The following PCDHA8 variants were observed in gnomAD, a reference collection of about 807,000 sequenced individuals.
The protein encoded by PCDHA8 is protocadherin alpha 8, also known as protocadherin alpha-8.
PCDHA8 carries 53 observed loss-of-function variants against 61.8 expected under a neutral mutation model. That is an observed-to-expected ratio of 0.86 (90% CI 0.69 to 1.08). PCDHA8 has a LOEUF of 1.08. Ranked by LOEUF, PCDHA8 falls within the 50% of genes least tolerant of loss-of-function variation. The pLI, the probability that PCDHA8 is intolerant of heterozygous loss-of-function variation, is 0.00. For missense variants in PCDHA8, 1,293 were observed against 1,245.0 expected (o/e 1.04, Z -0.58); for synonymous variants, 618 against 556.6 (o/e 1.11, Z -1.55).
chr5:140,860,479 C>T (rs1348082358), intron 1 of PCDHA8: 1 of 152,030 alleles, frequency 6.6e-6, no homozygotes, highest in Non-Finnish European at 1.5e-5. Context: ...TGCAGTAGTA[C>T]TTTATTTAGG....
At chr5:140,884,812 G>C in intron 1 of PCDHA8, 2 of 1,117,104 alleles carry the variant, frequency 1.8e-6, no homozygotes, top group Non-Finnish European at 2.5e-6. Flanking sequence ...ACTCTGCTGT[G>C]GACATTATGT....
intron 1 of PCDHA8, among the ~76,000 whole-genome samples, chr5:140,939,691 G>A (rs782722243): frequency 3.5e-4 from 53 of 152,250 alleles, no homozygotes; most frequent in African/African-American, 1.2e-3. Context: ...TGTGTTGCTG[G>A]ACATTATCAT....
chr5:140,893,636 G>A (rs2064097174), intron 1 of PCDHA8, among the ~76,000 whole-genome samples: 1 of 152,170 alleles, frequency 6.6e-6, no homozygotes, highest in Non-Finnish European at 1.5e-5. Flanking sequence ...GCTTGGTATA[G>A]TATTTTTGGC....
At chr5:140,952,185 T>C (rs1354216964) in intron 1 of PCDHA8, among the ~76,000 whole-genome samples, 1 of 152,010 alleles carries the variant, frequency 6.6e-6, no homozygotes, top group Non-Finnish European at 1.5e-5. Context: ...GCTGCTCTCA[T>C]GGGTTGGTGT....
chr5:140,973,755 G>A (rs1442337323), intron 1 of PCDHA8, among the ~76,000 whole-genome samples: 1 of 152,234 alleles, frequency 6.6e-6, no homozygotes, highest in Admixed American at 6.5e-5. Flanking sequence ...ACTCTGCAGG[G>A]ACACAGCCTG....
At chr5:140,863,088 CACG>C (rs782667679) in intron 1 of PCDHA8, 19 of 574,542 alleles carry the variant, frequency 3.3e-5, no homozygotes, top group Admixed American at 1.7e-4. Context: ...GCGAGATCAG[CACG>C]ACGAGTACCC....
In PCDHA8 at chr5:140,857,092, G is replaced by A; in HGVS notation, c.2394+13377G>A. On this transcript the variant is annotated intron_variant, in intron 1 of 3. Coordinates refer to ENST00000531613, the MANE Select transcript of PCDHA8 (RefSeq NM_018911.3). ...TGGATGAAAATGATAATTCACCTGA[G>A]GTGATTGTCACTTCTCTGTCTCTCC... 5 of 1,597,300 alleles carry A rather than the reference G, an allele frequency of 3.1e-6. 1 individual carries two copies. Among genetic ancestry groups the A allele is most frequent in the Non-Finnish European group, 4.3e-6 (5 of 1,166,936 alleles).
intron 1 of PCDHA8, among the ~76,000 whole-genome samples, chr5:140,961,697 T>A (rs1326642906): frequency 6.6e-6 from 1 of 152,232 alleles, no homozygotes; most frequent in Non-Finnish European, 1.5e-5. Flanking sequence ...GTCCTTAGTA[T>A]GAATGCCTTC....
intron 1 of PCDHA8, chr5:140,884,453 G>A (rs2060182161): frequency 2.5e-6 from 4 of 1,613,658 alleles, no homozygotes; most frequent in Admixed American, 1.7e-5. Flanking sequence ...ACCGCCCACC[G>A]AGGGCGCGTG....
chr5:140,919,763 A>T (rs2079297949), intron 1 of PCDHA8, among the ~76,000 whole-genome samples: 2 of 152,090 alleles, frequency 1.3e-5, no homozygotes, highest in African/African-American at 4.8e-5. Flanking sequence ...TGCCTTTTGT[A>T]TTACTGTTAC....
intron 1 of PCDHA8, among the ~76,000 whole-genome samples, chr5:140,901,207 T>G (rs894216497): frequency 6.6e-6 from 1 of 152,206 alleles, no homozygotes; most frequent in Non-Finnish European, 1.5e-5. Flanking sequence ...AGAAGGTTTT[T>G]AAGTTGATGT....
intron 1 of PCDHA8, among the ~76,000 whole-genome samples, chr5:140,950,903 T>C (rs2094530592): frequency 6.6e-6 from 1 of 152,024 alleles, no homozygotes; most frequent in South Asian, 2.1e-4. Context: ...TTTATTTTAT[T>C]TTTATTTTAT....
At chr5:140,884,378 A>G (rs781954919) in intron 1 of PCDHA8, 3 of 1,613,952 alleles carry the variant, frequency 1.9e-6, no homozygotes, top group Non-Finnish European at 2.5e-6. Flanking sequence ...GATCATTGCC[A>G]TCTGCGCGGT....
At chr5:140,875,467 T>G in intron 1 of PCDHA8, 2 of 1,600,082 alleles carry the variant, frequency 1.2e-6, no homozygotes, top group Non-Finnish European at 1.7e-6. Flanking sequence ...GCCCTCATTT[T>G]CTGCAATGGT....
chr5:140,992,436 G>A (rs782486395), intron 3 of PCDHA8, among the ~76,000 whole-genome samples: 10 of 152,186 alleles, frequency 6.6e-5, no homozygotes, highest in Non-Finnish European at 1.3e-4. Flanking sequence ...TGTTCCAAGA[G>A]TTGGGAGCAG....
intron 1 of PCDHA8, chr5:140,871,048 C>G (rs1472650820): frequency 6.2e-7 from 1 of 1,613,230 alleles, no homozygotes; most frequent in Non-Finnish European, 8.5e-7. Flanking sequence ...ACTTCTAGTA[C>G]TGGTGAAGGA....
intron 1 of PCDHA8, among the ~76,000 whole-genome samples, chr5:140,887,550 TACTG>T (rs2061493394): frequency 1.3e-5 from 2 of 152,206 alleles, no homozygotes; most frequent in Non-Finnish European, 2.9e-5. Flanking sequence ...CCCTCATGGT[TACTG>T]TTAAAACTTT....
chr5:141,000,112 C>T (rs1404445521), intron 3 of PCDHA8, among the ~76,000 whole-genome samples: 1 of 152,128 alleles, frequency 6.6e-6, no homozygotes. Flanking sequence ...CGTCTCTTCC[C>T]TCATCCCCAA....
intron 1 of PCDHA8, chr5:140,883,019 G>A (rs1554176509): frequency 1.2e-6 from 2 of 1,613,986 alleles, no homozygotes; most frequent in South Asian, 1.1e-5. Flanking sequence ...TAAAGTGACG[G>A]TGTTAGAGAA....
Sources: allele counts gnomAD v4.1 joint callset (sites outside exome capture counted in the v4.1 genomes callset), GRCh38; gene constraint gnomAD v4.1.1; transcripts MANE v1.5; gene names NCBI Gene and HGNC (gene_info 2026-07-23, HGNC 2026-07-21).